RREB1: variants seen among roughly 807,000 people sequenced by gnomAD.
RREB1 encodes ras responsive element binding protein 1.
Under a neutral mutation model 117.8 loss-of-function variants are expected in RREB1, and 27 were observed. The ratio of observed to expected loss-of-function variants is 0.23; its 90% CI spans 0.17 to 0.32. RREB1 has a LOEUF of 0.32. RREB1 is among the 10% of genes least tolerant of loss of function. RREB1 has a pLI of 1.00. For synonymous variants in RREB1, 1,298 were observed against 1,026.7 expected (o/e 1.26, Z -5.05); for missense variants, 2,577 against 2,378.2 (o/e 1.08, Z -1.74).
rs1390320791 is a variant in RREB1, at chr6:7,226,458, C to T, written c.708-9C>T. ...TTCTGCCTCATATGTTCTCCCTTTC[C>T]TCTCCTAGATGTGACATTTGTTGTG... On this transcript the variant is annotated splice_polypyrimidine_tract_variant and intron_variant, in intron 8 of 12. Coordinates refer to ENST00000379938, the MANE Select transcript of RREB1 (RefSeq NM_001003699.4). 2 of 1,599,428 alleles carry T rather than the reference C, an allele frequency of 1.3e-6. No individual in the cohort carries two copies. The highest frequency in any genetic ancestry group is 1.3e-5 in the African/African-American group (1 of 74,550).
At position 7,231,609 on chromosome 6, in the gene RREB1, G is replaced by C; in HGVS notation, c.3510G>C (p.Val1170=). 6.2e-7 allele frequency: 1 copy of C among 1,611,874 alleles called. No individual in the cohort carries two copies. The highest frequency in any genetic ancestry group is 8.5e-7 in the Non-Finnish European group (1 of 1,179,666). ...RSRPRANSGG[V]DLDSSGEFAS... ...GACCCCGCGCCAACAGCGGCGGGGT[G>C]GACCTGGACTCCAGCGGGGAGTTTG... The change falls in exon 10 of 13, where the codon GTG becomes GTC. Residue 1170 remains valine, a synonymous_variant. Transcript: ENST00000379938.
At chr6:7,108,197 T>C (rs1760922354) in intron 1 of RREB1, 137 bp downstream of exon 1, 1 of 152,176 alleles carries the variant, frequency 6.6e-6, no homozygotes, top group African/African-American at 2.4e-5. Context: ...CTTTTGAAAC[T>C]CGGTGTGTCC....
intron 11 of RREB1, among the ~76,000 whole-genome samples, chr6:7,242,642 T>TTCCC (rs56090832): frequency 2.4e-3 from 327 of 134,804 alleles, no homozygotes; most frequent in Non-Finnish European, 4.1e-3. Flanking sequence ...CATTCTGGGT[T>TTCCC]CCCCCCCCCC....
At chr6:7,239,954 G>C (rs962157215) in intron 10 of RREB1, among the ~76,000 whole-genome samples, 2 of 152,208 alleles carry the variant, frequency 1.3e-5, no homozygotes, top group African/African-American at 4.8e-5. Flanking sequence ...CTGGCTGGGG[G>C]CTGTCCCTGA....
In RREB1 at chr6:7,188,759, C is replaced by T. The variant is rs186307990; in HGVS notation, c.262-400C>T. Among the ~76,000 whole-genome samples the T allele has an allele frequency of 3.9e-5, 6 of 152,242 alleles. No homozygotes were observed. The East Asian group carries it at 1.2e-3, about 29-fold the overall frequency. ...CAGTTCTCTTTCTCTGACGGCAGGC[C>T]TGAGTCATCAAATCTGAAGAAGGGA... On this transcript the variant is annotated intron_variant, in intron 5 of 12. Transcript: ENST00000379938.
At position 7,230,519 on chromosome 6, in the gene RREB1, A is replaced by G. The variant is rs773518895; in HGVS notation, c.2420A>G (p.His807Arg). ...TTCGCGGCCAAGCGCAACTGCATCC[A>G]CCACATCCTCAAGCAGCACCTGCAC... ...AAFAAKRNCI[H>R]HILKQHLHVP... The change falls in exon 10 of 13, where the codon CAC (histidine) becomes CGC (arginine). Residue 807 changes from histidine (H) to arginine (R), a missense_variant. His to Arg is a conservative substitution (Grantham distance 29). Transcript: ENST00000379938. 1.3e-6 allele frequency: 2 copies of G among 1,594,926 alleles called. No individual in the cohort carries two copies. The highest frequency in any genetic ancestry group is 1.7e-6 in the Non-Finnish European group (2 of 1,176,252).
At chr6:7,134,450 T>C (rs969784594) in intron 1 of RREB1, among the ~76,000 whole-genome samples, 19 of 152,208 alleles carry the variant, frequency 1.2e-4, no homozygotes, top group African/African-American at 4.6e-4. Flanking sequence ...TTTTCTTTAA[T>C]CAATGTCATG....
At position 7,249,093 on chromosome 6, in the gene RREB1, GAGAGAGAGAGAC is replaced by G; in HGVS notation, c.*127_*138del. The G allele has an allele frequency of 1.3e-6, 1 of 758,712 alleles. No homozygotes were observed. 47.0% of individuals were successfully genotyped at this position (758,712 alleles called of 1,614,324 possible). ...AGAGAGAGAGAGAGAGAGAGAGAGA[GAGAGAGAGAGAC>G]AAGCAGGAGCGTGGCTGCTCGCTCA... On this transcript the variant is annotated 3_prime_UTR_variant, in exon 13 of 13. Transcript: ENST00000379938.
chr6:7,166,162 A>AC (rs1763918266), intron 1 of RREB1, among the ~76,000 whole-genome samples: 2 of 149,456 alleles, frequency 1.3e-5, no homozygotes, highest in South Asian at 2.1e-4. Context: ...CCCCACTCCC[A>AC]CCCCCAACTG....
intron 6 of RREB1, among the ~76,000 whole-genome samples, chr6:7,197,359 G>C (rs911979327): frequency 2.6e-5 from 4 of 152,214 alleles, no homozygotes; most frequent in Non-Finnish European, 4.4e-5. Flanking sequence ...AAGCTTTCAT[G>C]ACTAACTTCA....
At chr6:7,197,193 T>C (rs1001600617) in intron 6 of RREB1, among the ~76,000 whole-genome samples, 3 of 152,220 alleles carry the variant, frequency 2.0e-5, no homozygotes, top group Admixed American at 6.5e-5. Context: ...ATAAAGCCTG[T>C]CTCTAAAACT....
chr6:7,202,870 G>C (rs932468592), intron 6 of RREB1, among the ~76,000 whole-genome samples: 8 of 152,304 alleles, frequency 5.3e-5, no homozygotes, highest in African/African-American at 1.7e-4. Context: ...CTCTTTGGGT[G>C]AGAGGAACAT....
chr6:7,175,104 A>G (rs1214157029), intron 1 of RREB1, among the ~76,000 whole-genome samples: 1 of 152,198 alleles, frequency 6.6e-6, no homozygotes, highest in African/African-American at 2.4e-5. Flanking sequence ...ATGAAAAAAG[A>G]ATAACTGCTT....
intron 6 of RREB1, among the ~76,000 whole-genome samples, chr6:7,207,939 T>G (rs1248030419): frequency 6.6e-6 from 1 of 152,106 alleles, no homozygotes; most frequent in Non-Finnish European, 1.5e-5. Context: ...CCAGTGAAAA[T>G]GGAGAAGTCC....
chr6:7,233,917 G>A (rs1422077326), intron 10 of RREB1, among the ~76,000 whole-genome samples: 7 of 152,184 alleles, frequency 4.6e-5, no homozygotes, highest in Admixed American at 3.9e-4. Context: ...GGGAGTTGTG[G>A]CTGGGAGCGA....
At chr6:7,177,785 CTA>C (rs1292827590) in intron 2 of RREB1, among the ~76,000 whole-genome samples, 6 of 152,094 alleles carry the variant, frequency 3.9e-5, no homozygotes, top group African/African-American at 1.2e-4. Flanking sequence ...TGTAATGGGG[CTA>C]TCTCAGCTCA....
At chr6:7,128,323 T>A (rs1201952919) in intron 1 of RREB1, among the ~76,000 whole-genome samples, 3 of 152,130 alleles carry the variant, frequency 2.0e-5, no homozygotes. Flanking sequence ...CAGGAGGAAG[T>A]AGGATTCTGG....
intron 1 of RREB1, among the ~76,000 whole-genome samples, chr6:7,173,390 G>A (rs570383854): frequency 2.0e-5 from 3 of 151,974 alleles, no homozygotes; most frequent in East Asian, 1.9e-4. Flanking sequence ...GGTGGTGCAC[G>A]GCTGAGGTAG....
Position 7,182,100 on chromosome 6 carries a change from G to A in RREB1, c.171+18G>A. 3 of 1,610,788 alleles carry A rather than the reference G, an allele frequency of 1.9e-6. No homozygotes were observed. Among genetic ancestry groups the A allele is most frequent in the Non-Finnish European group, 2.5e-6 (3 of 1,177,276 alleles). ...GGAACCAGGTAAGTGTTCACACCTA[G>A]TGGTGACCTCTGGTGGGTTCAATCC... On this transcript the variant is annotated intron_variant, in intron 4 of 12. Coordinates refer to ENST00000379938, the MANE Select transcript of RREB1 (RefSeq NM_001003699.4).
Sources: gnomAD v4.1 joint callset for allele counts (sites outside exome capture counted in the v4.1 genomes callset) on GRCh38, gnomAD v4.1.1 for gene constraint, MANE v1.5 for transcripts, NCBI Gene and HGNC (gene_info 2026-07-23, HGNC 2026-07-21) for gene names.